The following RMDN2 variants were observed in gnomAD, a reference collection of about 807,000 sequenced individuals.
RMDN2 encodes regulator of microtubule dynamics 2.
RMDN2 carries 61 observed loss-of-function variants against 52.8 expected under a neutral mutation model. The ratio of observed to expected loss-of-function variants is 1.16; its 90% confidence interval spans 0.94 to 1.43. The LOEUF (loss-of-function observed/expected upper bound fraction) is 1.43. RMDN2 is among the 40% of genes most tolerant of loss of function. The pLI is 0.00. For synonymous variants in RMDN2, 180 were observed against 153.1 expected (o/e 1.18, Z -1.30); for missense variants, 592 against 475.3 (o/e 1.25, Z -2.28).
At chr2:38,003,597 T>TAGGC (rs1553375360) in intron 8 of RMDN2, among the ~76,000 whole-genome samples, 2,197 of 128,340 alleles carry the variant, frequency 0.017, 18 homozygotes, top group East Asian at 0.039. Context: ...GATAGATAGA[T>TAGGC]AGATAGGCAG....
chr2:37,957,746 T>C (rs1669665372), intron 2 of RMDN2, among the ~76,000 whole-genome samples: 2 of 152,212 alleles, frequency 1.3e-5, no homozygotes, highest in African/African-American at 4.8e-5. Context: ...TGGTATTGCC[T>C]AGGTTTTCTT....
At chr2:38,003,855 T>C (rs531006259) in intron 8 of RMDN2, 136 bp from the exon 9 acceptor site, 2 of 686,292 alleles carry the variant, frequency 2.9e-6, no homozygotes, top group African/African-American at 1.8e-5. Flanking sequence ...GTGATTCAAA[T>C]GTGAAACAAC....
intron 10 of RMDN2, among the ~76,000 whole-genome samples, chr2:38,046,708 G>A (rs1313271507): frequency 1.3e-5 from 2 of 152,098 alleles, no homozygotes; most frequent in Non-Finnish European, 2.9e-5. Context: ...ATCCAGGCCC[G>A]GTGCGGTGGC....
intron 10 of RMDN2, among the ~76,000 whole-genome samples, chr2:38,015,818 G>T (rs905424496): frequency 3.3e-5 from 5 of 152,180 alleles, no homozygotes; most frequent in African/African-American, 1.2e-4. Context: ...GGTGAACTCT[G>T]TTCCTCCACA....
chr2:37,933,744 C>T (rs1464605431), intron 2 of RMDN2, among the ~76,000 whole-genome samples: 1 of 151,928 alleles, frequency 6.6e-6, no homozygotes, highest in African/African-American at 2.4e-5. Context: ...TTCGGCTCGG[C>T]ATCAGAGGGA....
At chr2:38,012,273 G>A (rs1678106977) in intron 10 of RMDN2, among the ~76,000 whole-genome samples, 1 of 152,144 alleles carries the variant, frequency 6.6e-6, no homozygotes, top group African/African-American at 2.4e-5. Context: ...ACGCCTGCTG[G>A]CAAGAAAGCC....
At chr2:38,008,047 T>G (rs1677376457) in intron 10 of RMDN2, among the ~76,000 whole-genome samples, 1 of 152,228 alleles carries the variant, frequency 6.6e-6, no homozygotes, top group African/African-American at 2.4e-5. Flanking sequence ...GAGTTCTAGT[T>G]TGATTGCACT....
At chr2:37,950,313 C>T (rs905395881) in intron 2 of RMDN2, 7 of 731,894 alleles carry the variant, frequency 9.6e-6, no homozygotes, top group African/African-American at 8.9e-5. Flanking sequence ...TGGATGACTC[C>T]TCCAACAGTG....
At chr2:38,046,978 G>A (rs575647680) in intron 10 of RMDN2, among the ~76,000 whole-genome samples, 15 of 151,846 alleles carry the variant, frequency 9.9e-5, no homozygotes, top group African/African-American at 3.6e-4. Flanking sequence ...GTGAGATTCT[G>A]TCTTGAAAAA....
intron 4 of RMDN2, 77 bp from the exon 5 acceptor site, chr2:37,981,206 A>C (rs1460866827): frequency 1.8e-5 from 16 of 906,036 alleles, no homozygotes; most frequent in Non-Finnish European, 2.8e-5. Context: ...ATACTTTGTG[A>C]ACCATGAGTT....
At chr2:37,974,351 C>A in intron 3 of RMDN2, 137 bp downstream of exon 3, 2 of 514,000 alleles carry the variant, frequency 3.9e-6, no homozygotes, top group Non-Finnish European at 6.2e-6. Context: ...TATAAAATGA[C>A]TAAAATTTTT....
intron 10 of RMDN2, among the ~76,000 whole-genome samples, chr2:38,048,095 C>T (rs981886603): frequency 6.6e-6 from 1 of 152,214 alleles, no homozygotes; most frequent in Admixed American, 6.5e-5. Context: ...TCATTCTAAA[C>T]TTCATTTCTC....
chr2:38,063,682 C>T (rs898812444), intron 10 of RMDN2, among the ~76,000 whole-genome samples: 1 of 152,008 alleles, frequency 6.6e-6, no homozygotes, highest in African/African-American at 2.4e-5. Flanking sequence ...CCAGAATCTA[C>T]AATGAACTCA....
rs186085426 is a variant in RMDN2 at position 38,017,321 on chromosome 2, A to C, written c.*82A>C. The C allele has an allele frequency of 6.0e-4, 875 of 1,453,070 alleles. 1 individual carries two copies. Among genetic ancestry groups the C allele is most frequent in the Non-Finnish European group, 7.5e-4 (823 of 1,097,466 alleles). 90.0% of individuals were successfully genotyped at this position (1,453,070 alleles called of 1,614,324 possible). On this transcript the variant is annotated 3_prime_UTR_variant, in exon 11 of 11. Coordinates refer to ENST00000354545, the MANE Select transcript of RMDN2 (RefSeq NM_001170791.3). ...CAAAGTTGTGCTTTTATTATCCTTC[A>C]TTTTTGATGTAAGGGTATTGTGCTT...
intron 10 of RMDN2, among the ~76,000 whole-genome samples, chr2:38,015,455 C>T (rs1678625055): frequency 6.6e-6 from 1 of 151,818 alleles, no homozygotes; most frequent in African/African-American, 2.4e-5. Context: ...GCCCCAGCTA[C>T]TCGGGAGGCT....
chr2:38,027,833 T>C (rs1413028354), intron 10 of RMDN2, among the ~76,000 whole-genome samples: 2 of 152,228 alleles, frequency 1.3e-5, no homozygotes, highest in Admixed American at 1.3e-4. Context: ...TGGAAATTAT[T>C]AATGCCACAA....
At chr2:38,039,091 C>CAGAGAGAG (rs1477113693) in intron 10 of RMDN2, among the ~76,000 whole-genome samples, 2 of 104,220 alleles carry the variant, frequency 1.9e-5, no homozygotes, top group African/African-American at 5.8e-5. Flanking sequence ...CACACACACA[C>CAGAGAGAG]ACAGAGAGAG....
At chr2:37,988,591 T>C (rs1266660610) in intron 5 of RMDN2, among the ~76,000 whole-genome samples, 1 of 151,006 alleles carries the variant, frequency 6.6e-6, no homozygotes, top group African/African-American at 2.4e-5. Context: ...ACTGTTTTTT[T>C]GTACTTGGAA....
rs549142261 is a variant in RMDN2, at chr2:38,064,775, G to C, written c.1714-2207G>C. Among the ~76,000 whole-genome samples, 4 of 134,966 alleles carry C rather than the reference G, an allele frequency of 3.0e-5. No homozygotes were observed. The South Asian group carries it at 6.8e-4, about 23-fold the overall frequency. The allele number at this position is 134,966 out of a possible 152,430, so 88.5% of individuals were successfully genotyped here. A position where few individuals can be genotyped will look rare whatever the true frequency, so the allele number is the denominator to read the frequency against. On this transcript the variant is annotated intron_variant, in intron 10 of 10. Coordinates refer to the RMDN2 transcript ENST00000234195. ...AATGAGGGTAGATGTCTTTTTCCTC[G>C]TTAAAAAAAAAAAATCTATGTAATG...
Sources: allele counts gnomAD v4.1 joint callset (sites outside exome capture counted in the v4.1 genomes callset), GRCh38; gene constraint gnomAD v4.1.1; transcripts MANE v1.5; gene names NCBI Gene and HGNC (gene_info 2026-07-23, HGNC 2026-07-21).